The following SMCO4 variants were observed in gnomAD, a reference collection of about 807,000 sequenced individuals.
The protein encoded by SMCO4 is single-pass membrane protein with coiled-coil domains 4.
SMCO4 carries 4 observed loss-of-function variants against 3.6 expected under a neutral mutation model. The observed-to-expected ratio is 1.11, with a 90% CI of 0.54 to 2.53. The LOEUF (loss-of-function observed/expected upper bound fraction) is 2.53. SMCO4 is among the 30% of genes most tolerant of loss of function. The pLI, the probability that SMCO4 is intolerant of heterozygous loss-of-function variation, is 0.02. For synonymous variants in SMCO4, 36 were observed against 35.3 expected (o/e 1.02, Z -0.07); for missense variants, 70 against 80.8 (o/e 0.87, Z 0.51).
chr11:93,497,308 C>A (rs1296384294), intron 2 of SMCO4, among the ~76,000 whole-genome samples: 2 of 152,166 alleles, frequency 1.3e-5, no homozygotes, highest in South Asian at 2.1e-4. Flanking sequence ...GAGAAGGAAG[C>A]GAAAGAACAT....
chr11:93,538,113 C>T (rs2134639911), intron 1 of SMCO4, among the ~76,000 whole-genome samples: 1 of 152,348 alleles, frequency 6.6e-6, no homozygotes, highest in East Asian at 1.9e-4. Flanking sequence ...GACATGGCAA[C>T]AGTGCGTCCT....
chr11:93,524,126 C>T (rs1292795871), intron 1 of SMCO4, among the ~76,000 whole-genome samples: 1 of 152,152 alleles, frequency 6.6e-6, no homozygotes. Context: ...CAAGCGATTA[C>T]AACACATTGA....
intron 1 of SMCO4, among the ~76,000 whole-genome samples, chr11:93,542,605 C>G (rs1949279884): frequency 6.6e-6 from 1 of 152,178 alleles, no homozygotes; most frequent in Non-Finnish European, 1.5e-5. Flanking sequence ...CTCCTCCACC[C>G]ACCCCGTACA....
chr11:93,500,466 C>A (rs1948824739), intron 1 of SMCO4, among the ~76,000 whole-genome samples: 1 of 152,186 alleles, frequency 6.6e-6, no homozygotes, highest in Admixed American at 6.5e-5. Flanking sequence ...TGGGCAATCA[C>A]AAACTTACCT....
chr11:93,513,638 G>C (rs566966992), intron 1 of SMCO4, among the ~76,000 whole-genome samples: 98 of 152,312 alleles, frequency 6.4e-4, no homozygotes, highest in African/African-American at 2.1e-3. Context: ...GGAGGGCCCA[G>C]GAGGAAGAGC....
rs537679415 is a variant in SMCO4 at position 93,495,239 on chromosome 11, C to T, written c.-81+4037G>A. Among the ~76,000 whole-genome samples, 16 of 152,152 alleles carry T rather than the reference C, an allele frequency of 1.1e-4. No homozygotes were observed. In the East Asian group the frequency reaches 2.5e-3, roughly 24 times the overall value. ...CTCTGGGTAATAAACTCTATCACAA[C>T]GCTCATCACACTATTAAAATCACCT... On this transcript the variant is annotated intron_variant, in intron 2 of 2. Transcript: ENST00000298966.
At chr11:93,490,870 G>A (rs140957867) in intron 2 of SMCO4, among the ~76,000 whole-genome samples, 227 of 152,344 alleles carry the variant, frequency 1.5e-3, no homozygotes, top group Middle Eastern at 3.4e-3. Context: ...TCTGAAAGAC[G>A]AATAGGATGC....
At chr11:93,481,385 G>A (rs1028328831) in intron 2 of SMCO4, 2 of 974,206 alleles carry the variant, frequency 2.1e-6, no homozygotes, top group Non-Finnish European at 2.4e-6. Flanking sequence ...AGGGACGGGT[G>A]CACTGAGCTC....
chr11:93,516,787 C>CA (rs896063554), intron 1 of SMCO4, among the ~76,000 whole-genome samples: 8 of 145,830 alleles, frequency 5.5e-5, no homozygotes, highest in East Asian at 2.0e-4. Context: ...AAGACTCTGT[C>CA]AAAAAAAAGA....
chr11:93,500,373 T>C (rs891596518), intron 1 of SMCO4, among the ~76,000 whole-genome samples: 1 of 152,152 alleles, frequency 6.6e-6, no homozygotes, highest in African/African-American at 2.4e-5. Context: ...ATGTAAACAG[T>C]TGTTGTTTTT....
chr11:93,492,797 C>T (rs561218343), intron 2 of SMCO4, among the ~76,000 whole-genome samples: 1 of 152,316 alleles, frequency 6.6e-6, no homozygotes, highest in South Asian at 2.1e-4. Flanking sequence ...GGAGCTGAGA[C>T]GGCCGGTCCA....
chr11:93,531,772 G>C (rs1949165121), intron 1 of SMCO4, among the ~76,000 whole-genome samples: 2 of 152,274 alleles, frequency 1.3e-5, no homozygotes, highest in South Asian at 4.1e-4. Context: ...CTAAGCTAAA[G>C]GGAAAAGTCA....
chr11:93,508,563 A>G (rs1405414983), intron 1 of SMCO4, among the ~76,000 whole-genome samples: 1 of 152,224 alleles, frequency 6.6e-6, no homozygotes, highest in African/African-American at 2.4e-5. Flanking sequence ...AACTGAATGG[A>G]ATTCTGCAAA....
intron 1 of SMCO4, chr11:93,535,449 G>C: frequency 7.5e-7 from 1 of 1,341,996 alleles, no homozygotes; most frequent in South Asian, 1.2e-5. Flanking sequence ...AGCAGAGGGA[G>C]TCGAGCCAGA....
intron 1 of SMCO4, among the ~76,000 whole-genome samples, chr11:93,528,552 G>GT (rs1949133103): frequency 6.6e-6 from 1 of 152,218 alleles, no homozygotes; most frequent in African/African-American, 2.4e-5. Flanking sequence ...GGGAAGCCCT[G>GT]TATTTATCAG....
chr11:93,515,805 CTA>C (rs1565383639), intron 1 of SMCO4, among the ~76,000 whole-genome samples: 1 of 152,204 alleles, frequency 6.6e-6, no homozygotes, highest in East Asian at 1.9e-4. Flanking sequence ...CAAATGTGCA[CTA>C]CACCACTGTA....
intron 1 of SMCO4, among the ~76,000 whole-genome samples, chr11:93,519,319 A>G (rs140717551): frequency 5.6e-4 from 85 of 152,352 alleles, no homozygotes; most frequent in African/African-American, 2.0e-3. Flanking sequence ...ACAGAAAGTG[A>G]ACTACAAATG....
chr11:93,525,698 G>A lies in SMCO4; in HGVS notation c.-154+17578C>T, dbSNP rs577526140. On this transcript the variant is annotated intron_variant, in intron 1 of 2. Coordinates refer to ENST00000298966, the MANE Select transcript of SMCO4 (RefSeq NM_020179.3). ...AAACGCGACCAACAGGATTGGATCCGGAAATTAGATGTCCAAGCAGCCCAG... is the reference window on the plus strand; with the variant it reads ...AAACGCGACCAACAGGATTGGATCCAGAAATTAGATGTCCAAGCAGCCCAG... Among the ~76,000 whole-genome samples, 112 of 152,210 alleles carry A rather than the reference G, an allele frequency of 7.4e-4. 1 individual carries two copies. Among genetic ancestry groups the A allele is most frequent in the Middle Eastern group, 3.4e-3 (1 of 294 alleles).
rs1304425339 is a variant in SMCO4 at position 93,495,630 on chromosome 11, G to A, written c.-81+3646C>T. Among the ~76,000 whole-genome samples, 15 of 152,268 alleles carry A rather than the reference G, an allele frequency of 9.9e-5. 1 individual carries two copies. In the South Asian group the frequency reaches 3.1e-3, roughly 32 times the overall value. On this transcript the variant is annotated intron_variant, in intron 2 of 2. Coordinates refer to ENST00000298966, the MANE Select transcript of SMCO4 (RefSeq NM_020179.3). ...CCAAGTTTCATTCAAGATTTCATGAGCTAAAATGCTGTTGCACATTTTTAT... is the reference window on the plus strand; with the variant it reads ...CCAAGTTTCATTCAAGATTTCATGAACTAAAATGCTGTTGCACATTTTTAT...
Sources: allele counts gnomAD v4.1 joint callset (sites outside exome capture counted in the v4.1 genomes callset), GRCh38; gene constraint gnomAD v4.1.1; transcripts MANE v1.5; gene names NCBI Gene and HGNC (gene_info 2026-07-23, HGNC 2026-07-21).